SEC14L4: variants seen among roughly 807,000 people sequenced by gnomAD.
SEC14L4 encodes SEC14-like protein 4.
In SEC14L4, 42 loss-of-function variants were observed where a neutral mutation model predicts 55.1. The ratio of observed to expected loss-of-function variants is 0.76; its 90% CI spans 0.60 to 0.99. The LOEUF is 0.99. SEC14L4 is among the 50% of genes least tolerant of loss of function. The pLI is 0.00. For synonymous variants in SEC14L4, 206 were observed against 206.8 expected (o/e 1.00, Z 0.03); for missense variants, 445 against 512.1 (o/e 0.87, Z 1.27).
At chr22:30,501,441 G>T (rs1231895027) in intron 2 of SEC14L4, among the ~76,000 whole-genome samples, 1 of 152,202 alleles carries the variant, frequency 6.6e-6, no homozygotes, top group African/African-American at 2.4e-5. Flanking sequence ...GAGAGCTGAT[G>T]CTGTATCAAG....
intron 5 of SEC14L4, 104 bp from the exon 6 acceptor site, chr22:30,495,065 T>C: frequency 1.1e-6 from 1 of 922,072 alleles, no homozygotes; most frequent in Non-Finnish European, 1.6e-6. Context: ...TCCCACCCTC[T>C]GGCAGCCCAC....
At position 30,496,564 on chromosome 22, in the gene SEC14L4, C is replaced by G. The variant is rs5997666; in HGVS notation, c.131-593G>C. ...ATGTCCCTCAGGAAGCAGAGACACC[C>G]CCCCCCACCACCTGCACAGTGTTAG... On this transcript the variant is annotated intron_variant, in intron 2 of 11. Transcript: ENST00000255858. Among the ~76,000 whole-genome samples, 578 of 149,372 alleles carry G rather than the reference C, an allele frequency of 3.9e-3. 2 individuals carry two copies. The highest frequency in any genetic ancestry group is 0.014 in the African/African-American group (555 of 39,964).
Position 30,492,094 on chromosome 22 carries a change from C to A in SEC14L4, c.726G>T (p.Gly242=). 1 of 1,613,852 alleles carries A rather than the reference C, an allele frequency of 6.2e-7. No individual in the cohort carries two copies. The highest frequency in any genetic ancestry group is 8.5e-7 in the Non-Finnish European group (1 of 1,179,856). The change falls in exon 9 of 12, where the codon GGG becomes GGT. Residue 242 remains glycine, a synonymous_variant. Transcript: ENST00000255858. ...ISPDQLPVEF[G]GTMTDPDGNP... is the part of the protein sequence containing the mutation. ...TGCCATCGGGGTCAGTCATGGTCCC[C>A]CCAAACTCCACAGGCAGCTGGTCGG...
chr22:30,494,336 A>AT, intron 6 of SEC14L4, 126 bp from the exon 7 acceptor site: 1 of 727,394 alleles, frequency 1.4e-6, no homozygotes, highest in Non-Finnish European at 2.5e-6. Context: ...CCCCACAAGC[A>AT]TGTGCCTCTT....
Position 30,497,340 on chromosome 22 carries a change from AAACAACAAC to A in SEC14L4, c.131-1378_131-1370del, listed in dbSNP as rs561503509. Among the ~76,000 whole-genome samples, 71 of 151,276 alleles carry A rather than the reference AAACAACAAC, an allele frequency of 4.7e-4. No individual in the cohort carries two copies. In the South Asian group the frequency reaches 0.013, roughly 29 times the overall value. On this transcript the variant is annotated intron_variant, in intron 2 of 11. Coordinates refer to ENST00000255858, the MANE Select transcript of SEC14L4 (RefSeq NM_174977.4). The stretch of plus-strand genomic sequence containing the variant: ...GGGGACAACAGCAAGACTTCATCTC[AAACAACAAC>A]AACAACAACAACAACAAACACAAAA...
intron 2 of SEC14L4, among the ~76,000 whole-genome samples, chr22:30,498,692 T>C (rs952074047): frequency 1.3e-5 from 2 of 152,176 alleles, no homozygotes; most frequent in South Asian, 2.1e-4. Flanking sequence ...TGTCAGAGGA[T>C]TTTTGCTACG....
intron 11 of SEC14L4, 115 bp downstream of exon 11, chr22:30,491,458 C>T: frequency 1.6e-6 from 2 of 1,237,208 alleles, no homozygotes; most frequent in Non-Finnish European, 2.3e-6. Context: ...GGCCCCAAAG[C>T]TGGCTCCCCT....
chr22:30,503,812 C>A (rs1936410442), intron 1 of SEC14L4, 60 bp from the exon 2 acceptor site: 2 of 1,310,698 alleles, frequency 1.5e-6, no homozygotes, highest in East Asian at 2.4e-5. Context: ...GCCACCAACC[C>A]CGCCCCTAAC....
At chr22:30,504,260 G>A (rs937707275) in intron 1 of SEC14L4, among the ~76,000 whole-genome samples, 1 of 151,928 alleles carries the variant, frequency 6.6e-6, no homozygotes, top group African/African-American at 2.4e-5. Context: ...TTGCTATGTT[G>A]CCCAGGCTGG....
chr22:30,489,663 A>G lies in SEC14L4; in HGVS notation c.*444T>C. On this transcript the variant is annotated 3_prime_UTR_variant, in exon 12 of 12. Coordinates refer to ENST00000255858, the MANE Select transcript of SEC14L4 (RefSeq NM_174977.4). The stretch of plus-strand genomic sequence containing the variant: ...CTGCCCACCCCTGCTGACCTCCTAC[A>G]TGCAGAGAACAGGGCTTCTCTGCTC... 1.6e-6 allele frequency: 1 copy of G among 615,288 alleles called. No individual in the cohort carries two copies. The highest frequency in any genetic ancestry group is 2.9e-6 in the Non-Finnish European group (1 of 345,312). 38.1% of individuals were successfully genotyped at this position (615,288 alleles called of 1,614,324 possible).
chr22:30,499,921 G>A (rs1936268368), intron 2 of SEC14L4, among the ~76,000 whole-genome samples: 1 of 151,264 alleles, frequency 6.6e-6, no homozygotes, highest in Non-Finnish European at 1.5e-5. Flanking sequence ...CCAGCCTGGA[G>A]TGTGATGGTA....
At chr22:30,497,703 T>TATC (rs986117551) in intron 2 of SEC14L4, among the ~76,000 whole-genome samples, 8 of 152,136 alleles carry the variant, frequency 5.3e-5, no homozygotes, top group African/African-American at 1.9e-4. Context: ...AAATACATGT[T>TATC]ATCTCTTGTC....
In SEC14L4 at chr22:30,489,681, C is replaced by G; in HGVS notation, c.*426G>C. The stretch of plus-strand genomic sequence containing the variant: ...CTCCTACATGCAGAGAACAGGGCTT[C>G]TCTGCTCTTCAGGCCTGAAGCTGTG... On this transcript the variant is annotated 3_prime_UTR_variant, in exon 12 of 12. Transcript: ENST00000255858. 7.8e-6 allele frequency: 5 copies of G among 643,382 alleles called. No homozygotes were observed. The highest frequency in any genetic ancestry group is 1.4e-5 in the Non-Finnish European group (5 of 360,516). The allele number at this position is 643,382 out of a possible 1,614,324, so 39.9% of individuals were successfully genotyped here. A position where few individuals can be genotyped will look rare whatever the true frequency, so the allele number is the denominator to read the frequency against.
intron 6 of SEC14L4, 61 bp from the exon 7 acceptor site, chr22:30,494,271 C>G: frequency 7.5e-7 from 1 of 1,329,404 alleles, no homozygotes; most frequent in Non-Finnish European, 1.1e-6. Context: ...CCATGGGTTT[C>G]TGTGGCCTCT....
intron 2 of SEC14L4, among the ~76,000 whole-genome samples, chr22:30,496,279 AT>A (rs1004622851): frequency 6.9e-6 from 1 of 145,690 alleles, no homozygotes; most frequent in Non-Finnish European, 1.5e-5. Context: ...TGCCTGGCTA[AT>A]TTTTTTTAGA....
Position 30,503,674 on chromosome 22 carries a change from C to T in SEC14L4, c.130+3G>A. ...TGCGTCCCCTGACCCCTGCAAGCCT[C>T]ACCTCGCAGCCAGCGCAGGAGGAAG... On this transcript the variant is annotated splice_donor_region_variant and intron_variant, in intron 2 of 11. Transcript: ENST00000255858. The T allele has an allele frequency of 6.2e-7, 1 of 1,607,812 alleles. No homozygotes were observed. The highest frequency in any genetic ancestry group is 8.5e-7 in the Non-Finnish European group (1 of 1,174,904).
intron 2 of SEC14L4, among the ~76,000 whole-genome samples, chr22:30,497,881 G>A (rs531820498): frequency 6.6e-5 from 10 of 152,240 alleles, no homozygotes; most frequent in South Asian, 2.1e-4. Context: ...TATGGTAGCC[G>A]CTAGCTGCCT....
chr22:30,496,403 C>T lies in SEC14L4; in HGVS notation c.131-432G>A, dbSNP rs541587146. On this transcript the variant is annotated intron_variant, in intron 2 of 11. Transcript: ENST00000255858. ...CTTCCCAAAGTGTTGGAATTACAGG[C>T]GCGAGCCTCTGTGCCTGACCTAGAA... Among the ~76,000 whole-genome samples, 21 of 152,250 alleles carry T rather than the reference C, an allele frequency of 1.4e-4. No individual in the cohort carries two copies. The East Asian group carries it at 3.5e-3, about 25-fold the overall frequency.
intron 6 of SEC14L4, 132 bp from the exon 7 acceptor site, chr22:30,494,342 C>G: frequency 1.4e-6 from 1 of 703,450 alleles, no homozygotes; most frequent in Non-Finnish European, 2.6e-6. Flanking sequence ...AAGCATGTGC[C>G]TCTTCCTCTC....
Sources: gnomAD v4.1 joint callset for allele counts (sites outside exome capture counted in the v4.1 genomes callset) on GRCh38, gnomAD v4.1.1 for gene constraint, MANE v1.5 for transcripts, NCBI Gene and HGNC (gene_info 2026-07-23, HGNC 2026-07-21) for gene names.